The following TSC22D2 variants were observed in gnomAD, a reference collection of about 807,000 sequenced individuals.
The protein encoded by TSC22D2 is TSC22 domain family member 2.
A neutral mutation model predicts 50.1 loss-of-function variants in TSC22D2; 5 were observed. The observed-to-expected ratio is 0.10, with a 90% CI of 0.05 to 0.21. The LOEUF is 0.21. Ranked by LOEUF, TSC22D2 falls within the 10% of genes least tolerant of loss-of-function variation. The probability of loss-of-function intolerance (pLI) is 1.00; values close to 1 mark genes in which losing one functional copy is unlikely to be tolerated. For synonymous variants in TSC22D2, 501 were observed against 450.1 expected, an observed-to-expected ratio of 1.11 and a Z score of -1.43; for missense variants, 1,003 against 1,015.5, an observed-to-expected ratio of 0.99 and a Z score of 0.17.
Position 150,460,980 on chromosome 3 carries a change from G to A in TSC22D2, c.*2344G>A, listed in dbSNP as rs1464416098. On this transcript the variant is annotated 3_prime_UTR_variant, in exon 3 of 3. Transcript: ENST00000688009. ...GGGTAGTTCACAGAAGAGATAAATG[G>A]CAGTTTCTAAAGGTTCAACCTCTAG... is the stretch of plus-strand genomic sequence containing the variant. 1 of 152,150 alleles carries A rather than the reference G, an allele frequency of 6.6e-6. No homozygotes were observed. The highest frequency in any genetic ancestry group is 2.4e-5 in the African/African-American group (1 of 41,426). The allele number at this position is 152,150 out of a possible 1,614,324, so 9.4% of individuals were successfully genotyped here.
chr3:150,464,411 CTTTTT>C lies in TSC22D2; in HGVS notation c.*5779_*5783del, dbSNP rs932539908. 4 of 151,790 alleles carry C rather than the reference CTTTTT, an allele frequency of 2.6e-5. No individual in the cohort carries two copies. Among genetic ancestry groups the C allele is most frequent in the Admixed American group, 1.3e-4 (2 of 15,238 alleles). 9.4% of individuals were successfully genotyped at this position (151,790 alleles called of 1,614,324 possible). A position where few individuals can be genotyped will look rare whatever the true frequency, so the allele number is the denominator to read the frequency against. ...TGATGTTTTCAAGAAATTTAGGTTT[CTTTTT>C]TTTATTTTATAAAAAAAATGTTGAC... On this transcript the variant is annotated 3_prime_UTR_variant, in exon 3 of 3. Coordinates refer to ENST00000688009, the MANE Select transcript of TSC22D2 (RefSeq NM_001303264.2).
In TSC22D2 at chr3:150,409,340, CCTT is replaced by C; in HGVS notation, c.-6_-4del. 2 of 1,587,100 alleles carry C rather than the reference CCTT, an allele frequency of 1.3e-6. No homozygotes were observed. Among genetic ancestry groups the C allele is most frequent in the South Asian group, 1.1e-5 (1 of 89,588 alleles). ...GCCGGCGTGCCTCTCTGCCCTCCAG[CCTT>C]CTTCACCATGTCCAAGATGCCGGCC... is the stretch of plus-strand genomic sequence containing the variant. On this transcript the variant is annotated 5_prime_UTR_variant, in exon 1 of 3. Transcript: ENST00000688009. This position sits in a 1 kb window ranked among gnomAD's most constrained non-coding sequence, Gnocchi z 7.4.
intron 1 of TSC22D2, among the ~76,000 whole-genome samples, chr3:150,441,263 T>C (rs1720710630): frequency 6.6e-6 from 1 of 152,106 alleles, no homozygotes. Context: ...GTTGCAATCA[T>C]GGTAGATAAG....
chr3:150,456,570 C>T (rs1215650198), intron 1 of TSC22D2, among the ~76,000 whole-genome samples: 2 of 151,256 alleles, frequency 1.3e-5, no homozygotes, highest in South Asian at 2.1e-4. Context: ...TTTTAAAAAA[C>T]TAGATGTTAA....
chr3:150,443,404 C>G (rs1385743291), intron 1 of TSC22D2, among the ~76,000 whole-genome samples: 4 of 152,158 alleles, frequency 2.6e-5, no homozygotes, highest in African/African-American at 9.7e-5. Flanking sequence ...GGCCGTAAGT[C>G]ACTGGTTTTA....
In TSC22D2 at chr3:150,409,299, G is replaced by T; in HGVS notation, c.-52G>T. ...CCGTGCTCTGCCCTCCCCGGTTTCCGACAGGACCCAGAGGAGCCGGCGTGC... is the reference window on the plus strand; with the variant it reads ...CCGTGCTCTGCCCTCCCCGGTTTCCTACAGGACCCAGAGGAGCCGGCGTGC... On this transcript the variant is annotated 5_prime_UTR_variant, in exon 1 of 3. Transcript: ENST00000688009. The surrounding 1 kb of genome is among the most constrained non-coding windows in gnomAD (Gnocchi z 7.4). The T allele has an allele frequency of 2.0e-6, 3 of 1,528,546 alleles. No individual in the cohort carries two copies. Among genetic ancestry groups the T allele is most frequent in the South Asian group, 2.5e-5 (2 of 81,278 alleles). 94.7% of individuals were successfully genotyped at this position (1,528,546 alleles called of 1,614,324 possible).
chr3:150,431,719 TTGG>T (rs2108079578), intron 1 of TSC22D2, among the ~76,000 whole-genome samples: 1 of 151,864 alleles, frequency 6.6e-6, no homozygotes, highest in South Asian at 2.1e-4. Context: ...ACTACTAGAG[TTGG>T]TGAAGTTTTA....
chr3:150,429,707 A>G (rs1281168943), intron 1 of TSC22D2, among the ~76,000 whole-genome samples: 4 of 152,162 alleles, frequency 2.6e-5, no homozygotes, highest in African/African-American at 4.8e-5. Flanking sequence ...ACTCATGCCT[A>G]TGGTGTTCTG....
Position 150,410,760 on chromosome 3 carries a change from C to T in TSC22D2, c.1410C>T (p.Leu470=), listed in dbSNP as rs764536032. The T allele has an allele frequency of 1.9e-6, 3 of 1,608,984 alleles. No homozygotes were observed. Among genetic ancestry groups the T allele is most frequent in the Admixed American group, 1.7e-5 (1 of 59,650 alleles). ...ATVGGVVQPC[L]GPAGAGQPQS... is the part of the protein sequence containing the mutation. ...TGGGAGGCGTGGTGCAGCCGTGCCT[C>T]GGTCCTGCCGGGGCTGGGCAGCCCC... Residue 470 remains leucine, a synonymous_variant, in exon 1 of 3, where the codon CTC becomes CTT. Coordinates refer to ENST00000688009, the MANE Select transcript of TSC22D2 (RefSeq NM_001303264.2).
At position 150,466,150 on chromosome 3, in the gene TSC22D2, A is replaced by G. The variant is rs1721536119; in HGVS notation, c.*7514A>G. On this transcript the variant is annotated 3_prime_UTR_variant, in exon 3 of 3. Transcript: ENST00000688009. ...AAGTTTGGGGGAAAAATTGAAAGACAATACCTGTAATACATATGATACTAG... is the reference window on the plus strand; with the variant it reads ...AAGTTTGGGGGAAAAATTGAAAGACGATACCTGTAATACATATGATACTAG... 2 of 151,988 alleles carry G rather than the reference A, an allele frequency of 1.3e-5. No individual in the cohort carries two copies. Among genetic ancestry groups the G allele is most frequent in the African/African-American group, 4.8e-5 (2 of 41,366 alleles). The allele number at this position is 151,988 out of a possible 1,614,324, so 9.4% of individuals were successfully genotyped here. A position where few individuals can be genotyped will look rare whatever the true frequency, so the allele number is the denominator to read the frequency against.
chr3:150,451,787 T>G (rs1464981970), intron 1 of TSC22D2, among the ~76,000 whole-genome samples: 2 of 152,248 alleles, frequency 1.3e-5, no homozygotes, highest in East Asian at 3.9e-4. Flanking sequence ...AAGTGTTCTT[T>G]TCCTCTATCT....
intron 1 of TSC22D2, among the ~76,000 whole-genome samples, chr3:150,426,945 C>T (rs547205850): frequency 2.2e-4 from 33 of 151,770 alleles, no homozygotes; most frequent in Admixed American, 5.9e-4. Context: ...GTGTAGGGAA[C>T]GCCTTCCAGT....
In TSC22D2 at chr3:150,464,736, A is replaced by G. The variant is rs1721506433; in HGVS notation, c.*6100A>G. On this transcript the variant is annotated 3_prime_UTR_variant, in exon 3 of 3. Transcript: ENST00000688009. ...CCAGAAAGCTTTAACATCAAATAAT[A>G]CTTTTAGAAGGAGGGGAAAAGCCTT... 1.3e-5 allele frequency: 2 copies of G among 152,200 alleles called. No individual in the cohort carries two copies. The highest frequency in any genetic ancestry group is 1.3e-4 in the Admixed American group (2 of 15,284). The allele number at this position is 152,200 out of a possible 1,614,324, so 9.4% of individuals were successfully genotyped here.
rs1327977593 is a variant in TSC22D2, at chr3:150,409,001, C to G, written c.-350C>G. The stretch of plus-strand genomic sequence containing the variant: ...CCGAGCTGGACTGACCACGGCTGCC[C>G]GGAGACGAGAGAGGAAGCAGCCGGC... On this transcript the variant is annotated 5_prime_UTR_variant, in exon 1 of 3. Transcript: ENST00000688009. This position sits in a 1 kb window ranked among gnomAD's most constrained non-coding sequence, Gnocchi z 7.4. The G allele has an allele frequency of 9.4e-6, 2 of 212,784 alleles. No homozygotes were observed. Among genetic ancestry groups the G allele is most frequent in the East Asian group, 1.1e-4 (1 of 9,340 alleles). 13.2% of individuals were successfully genotyped at this position (212,784 alleles called of 1,614,324 possible).
chr3:150,440,904 A>G (rs1048971004), intron 1 of TSC22D2, among the ~76,000 whole-genome samples: 2 of 151,964 alleles, frequency 1.3e-5, no homozygotes, highest in African/African-American at 2.4e-5. Context: ...AACCATAAGA[A>G]TTTGTTTGCT....
chr3:150,464,408 TTTC>T lies in TSC22D2; in HGVS notation c.*5775_*5777del, dbSNP rs1366716012. ...AAGTGATGTTTTCAAGAAATTTAGG[TTTC>T]TTTTTTTTATTTTATAAAAAAAATG... On this transcript the variant is annotated 3_prime_UTR_variant, in exon 3 of 3. Coordinates refer to ENST00000688009, the MANE Select transcript of TSC22D2 (RefSeq NM_001303264.2). 6.6e-6 allele frequency: 1 copy of T among 152,126 alleles called. No individual in the cohort carries two copies. Among genetic ancestry groups the T allele is most frequent in the Non-Finnish European group, 1.5e-5 (1 of 68,006 alleles). The allele number at this position is 152,126 out of a possible 1,614,324, so 9.4% of individuals were successfully genotyped here. A position where few individuals can be genotyped will look rare whatever the true frequency, so the allele number is the denominator to read the frequency against.
In TSC22D2 at chr3:150,426,834, T is replaced by C. The variant is rs545647870; in HGVS notation, c.1958+15526T>C. 7.9e-5 allele frequency among the ~76,000 whole-genome samples: 12 copies of C among 152,260 alleles called. No individual in the cohort carries two copies. The South Asian group carries it at 1.9e-3, about 24-fold the overall frequency. On this transcript the variant is annotated intron_variant, in intron 1 of 2. Transcript: ENST00000688009. Reference sequence around the variant, plus strand: ...AATTTTTTTACTAGATAATTGATGATCTCTCAAATTGTTTTCTACAGTGAT... The same window carrying C: ...AATTTTTTTACTAGATAATTGATGACCTCTCAAATTGTTTTCTACAGTGAT...
chr3:150,446,272 G>C (rs973243031), intron 1 of TSC22D2, among the ~76,000 whole-genome samples: 1 of 152,100 alleles, frequency 6.6e-6, no homozygotes, highest in Non-Finnish European at 1.5e-5. Context: ...CTTTAGACAA[G>C]AGATAATAAA....
At chr3:150,423,109 C>T (rs762996984) in intron 1 of TSC22D2, 2 of 1,612,238 alleles carry the variant, frequency 1.2e-6, no homozygotes, top group African/African-American at 2.7e-5. Context: ...AATCAAAGAG[C>T]CTCTGGGATA....
Sources: gnomAD v4.1 joint callset for allele counts (sites outside exome capture counted in the v4.1 genomes callset) on GRCh38, gnomAD v4.1.1 for gene constraint, Gnocchi (gnomAD v3.1) non-coding constraint, MANE v1.5 for transcripts, NCBI Gene and HGNC (gene_info 2026-07-23, HGNC 2026-07-21) for gene names.